The following FBLN2 variants were observed in gnomAD, a reference collection of about 807,000 sequenced individuals.
FBLN2 encodes the protein fibulin-2.
In FBLN2, 81 loss-of-function variants were observed where a neutral mutation model predicts 123.7. The observed-to-expected ratio is 0.65, with a 90% CI of 0.55 to 0.79. The LOEUF (loss-of-function observed/expected upper bound fraction) is 0.79. Among genes scored for constraint, FBLN2 ranks in the 30% least tolerant of loss-of-function variants. The pLI is 0.00. For missense variants in FBLN2, 1,603 were observed against 1,681.3 expected, an observed-to-expected ratio of 0.95 and a Z score of 0.81; for synonymous variants, 699 against 701.4, an observed-to-expected ratio of 1.00 and a Z score of 0.05.
chr3:13,614,939 T>TCCATCCATCCATCCATCCAC (rs572113819), intron 5 of FBLN2, among the ~76,000 whole-genome samples: 1 of 146,350 alleles, frequency 6.8e-6, no homozygotes, highest in Non-Finnish European at 1.5e-5. Flanking sequence ...CATCCATCCA[T>TCCATCCATCCATCCATCCAC]CCACCCACCC....
intron 16 of FBLN2, 125 bp downstream of exon 16, chr3:13,631,582 A>G (rs1053302046): frequency 1.7e-6 from 2 of 1,181,770 alleles, no homozygotes; most frequent in African/African-American, 3.1e-5. Flanking sequence ...TAAATGCAGG[A>G]TGGCCAATGC....
Position 13,574,638 on chromosome 3 carries a change from G to A in FBLN2, c.1306+2977G>A, listed in dbSNP as rs3773295. On this transcript the variant is annotated intron_variant, in intron 2 of 17. Transcript: ENST00000404922. ...GGAAACCCCTTCTCTAGGCCCCAGG[G>A]CTGCCATGGCAACGCGGCTGGAGGG... Among the ~76,000 whole-genome samples, 105 of 152,216 alleles carry A rather than the reference G, an allele frequency of 6.9e-4. 4 individuals are homozygous for A. The East Asian group carries it at 0.02, about 29-fold the overall frequency.
intron 1 of FBLN2, among the ~76,000 whole-genome samples, chr3:13,550,297 C>T (rs1382269351): frequency 1.3e-5 from 2 of 152,158 alleles, no homozygotes; most frequent in Non-Finnish European, 2.9e-5. Context: ...TCAGGCTGGG[C>T]CTGACTCCTC....
At chr3:13,558,754 C>T (rs994814657) in intron 1 of FBLN2, among the ~76,000 whole-genome samples, 3 of 36,826 alleles carry the variant, frequency 8.1e-5, no homozygotes, top group Non-Finnish European at 1.6e-4. Context: ...TCCATTCACT[C>T]GTCCATCCAT....
At chr3:13,599,251 C>A (rs1704945812) in intron 2 of FBLN2, among the ~76,000 whole-genome samples, 1 of 152,180 alleles carries the variant, frequency 6.6e-6, no homozygotes, top group Non-Finnish European at 1.5e-5. Context: ...GTTAGGGAGA[C>A]CCTCTCTGAG....
intron 2 of FBLN2, among the ~76,000 whole-genome samples, chr3:13,591,542 C>T (rs933731830): frequency 6.6e-6 from 1 of 152,256 alleles, no homozygotes; most frequent in East Asian, 1.9e-4. Flanking sequence ...CCTACCTCAG[C>T]CTCCCAACGT....
At chr3:13,576,143 A>G (rs1189767222) in intron 2 of FBLN2, among the ~76,000 whole-genome samples, 3 of 152,186 alleles carry the variant, frequency 2.0e-5, no homozygotes, top group South Asian at 2.1e-4. Context: ...GGCTTTGCAC[A>G]TGGTCCATGC....
At chr3:13,555,656 G>A (rs984100370) in intron 1 of FBLN2, among the ~76,000 whole-genome samples, 10 of 152,022 alleles carry the variant, frequency 6.6e-5, no homozygotes, top group African/African-American at 2.2e-4. Context: ...GAGTTTCACC[G>A]TGTTAGCCAG....
intron 2 of FBLN2, among the ~76,000 whole-genome samples, chr3:13,603,226 T>G (rs1705094971): frequency 8.2e-6 from 1 of 122,484 alleles, no homozygotes; most frequent in Non-Finnish European, 1.7e-5. Context: ...TTTTCTTTCT[T>G]TTTTTTTAAG....
At chr3:13,636,888 G>T (rs183595473) in intron 17 of FBLN2, among the ~76,000 whole-genome samples, 1 of 152,334 alleles carries the variant, frequency 6.6e-6, no homozygotes, top group South Asian at 2.1e-4. Context: ...TCTTTGTCAC[G>T]CAGTGTCTGA....
chr3:13,558,468 C>T (rs538707974), intron 1 of FBLN2, among the ~76,000 whole-genome samples: 35 of 152,182 alleles, frequency 2.3e-4, no homozygotes, highest in African/African-American at 7.5e-4. Context: ...AAGGTGGACA[C>T]GTACCTTGGT....
intron 3 of FBLN2, among the ~76,000 whole-genome samples, 199 bp downstream of exon 3, chr3:13,608,372 A>C (rs202063484): frequency 6.6e-6 from 1 of 152,248 alleles, no homozygotes; most frequent in Non-Finnish European, 1.5e-5. Context: ...GACTGGTCCT[A>C]GGAACAAACC....
At chr3:13,563,077 T>A (rs1419750313) in intron 1 of FBLN2, among the ~76,000 whole-genome samples, 2 of 152,364 alleles carry the variant, frequency 1.3e-5, no homozygotes, top group East Asian at 3.9e-4. Context: ...TGAATAACAC[T>A]GTAGTGAACT....
chr3:13,603,380 T>C (rs1303544947), intron 2 of FBLN2, among the ~76,000 whole-genome samples: 1 of 145,816 alleles, frequency 6.9e-6, no homozygotes, highest in Non-Finnish European at 1.5e-5. Context: ...AATGCTATCC[T>C]TCCCCCCTCC....
At position 13,564,168 on chromosome 3, in the gene FBLN2, G is replaced by C. The variant is rs28603113; in HGVS notation, c.-41-6147G>C. On this transcript the variant is annotated intron_variant, in intron 1 of 17. Transcript: ENST00000404922. Reference sequence around the variant, plus strand: ...CACAAACACATCTGTGTGTGAACAGGCTGGGTGGCTGGTTTGTGCCTGCTC... The same window carrying C: ...CACAAACACATCTGTGTGTGAACAGCCTGGGTGGCTGGTTTGTGCCTGCTC... Among the ~76,000 whole-genome samples the C allele has an allele frequency of 9.4e-3, 1,429 of 152,220 alleles. 26 individuals are homozygous for C. Among genetic ancestry groups the C allele is most frequent in the African/African-American group, 0.032 (1,337 of 41,516 alleles).
chr3:13,568,667 CAG>C (rs55967606), intron 1 of FBLN2: 441,931 of 661,596 alleles, frequency 0.67, 148,738 homozygotes, highest in East Asian at 0.9. Flanking sequence ...ACGCCCTCCT[CAG>C]AGAAGCCCTC....
chr3:13,593,668 C>T (rs1043386650), intron 2 of FBLN2, among the ~76,000 whole-genome samples: 4 of 149,398 alleles, frequency 2.7e-5, no homozygotes, highest in East Asian at 2.0e-4. Context: ...GAGCTGAGAT[C>T]GCGCCACTGC....
rs73148640 is a variant in FBLN2, at chr3:13,580,518, C to T, written c.1306+8857C>T. Among the ~76,000 whole-genome samples, 843 of 152,232 alleles carry T rather than the reference C, an allele frequency of 5.5e-3. 6 individuals are homozygous for T. Among genetic ancestry groups the T allele is most frequent in the African/African-American group, 0.019 (789 of 41,526 alleles). ...CAAAATGAACATCTGAAATCTGGCA[C>T]GTTAGATGGTGAAAGTGCTAAAGAG... On this transcript the variant is annotated intron_variant, in intron 2 of 17. Coordinates refer to ENST00000404922, the MANE Select transcript of FBLN2 (RefSeq NM_001004019.2).
At chr3:13,627,809 G>C (rs1706100497) in intron 10 of FBLN2, 23 bp from the exon 11 acceptor site, 1 of 1,605,714 alleles carries the variant, frequency 6.2e-7, no homozygotes, top group Non-Finnish European at 8.5e-7. Flanking sequence ...CCCAGCCCTT[G>C]ACACCCAGCC....
Sources: allele counts gnomAD v4.1 joint callset (sites outside exome capture counted in the v4.1 genomes callset), GRCh38; gene constraint gnomAD v4.1.1; transcripts MANE v1.5; gene names NCBI Gene and HGNC (gene_info 2026-07-23, HGNC 2026-07-21).